SYK: variants seen among roughly 807,000 people sequenced by gnomAD.
SYK encodes the protein spleen associated tyrosine kinase.
SYK carries 16 observed loss-of-function variants against 77.8 expected under a neutral mutation model. The observed-to-expected ratio is 0.21, with a 90% CI of 0.14 to 0.31. The LOEUF is 0.31. Ranked by LOEUF, SYK falls within the 10% of genes least tolerant of loss-of-function variation. The pLI is 1.00. For synonymous variants in SYK, 312 were observed against 308.7 expected (o/e 1.01, Z -0.11); for missense variants, 529 against 814.4 (o/e 0.65, Z 4.26).
chr9:90,882,634 T>A (rs1390041604), intron 11 of SYK, among the ~76,000 whole-genome samples: 2 of 152,262 alleles, frequency 1.3e-5, no homozygotes, highest in Admixed American at 6.5e-5. Context: ...GCTAAAATAA[T>A]TGACCTGGGT....
intron 1 of SYK, among the ~76,000 whole-genome samples, chr9:90,808,300 T>G (rs949575135): frequency 1.3e-5 from 2 of 152,188 alleles, no homozygotes; most frequent in African/African-American, 4.8e-5. Flanking sequence ...TCTTTGGGAT[T>G]TTTTTAAGTG....
At chr9:90,882,550 C>A (rs966962331) in intron 11 of SYK, among the ~76,000 whole-genome samples, 1 of 152,230 alleles carries the variant, frequency 6.6e-6, no homozygotes, top group Non-Finnish European at 1.5e-5. Flanking sequence ...GACCTCTGTA[C>A]TATCACTTGC....
chr9:90,872,041 C>G (rs1450724623), intron 7 of SYK, among the ~76,000 whole-genome samples: 1 of 152,168 alleles, frequency 6.6e-6, no homozygotes, highest in African/African-American at 2.4e-5. Flanking sequence ...TCTCTGTGTC[C>G]ATCGCTACTA....
chr9:90,878,392 G>A (rs1828024426), intron 10 of SYK, among the ~76,000 whole-genome samples: 3 of 152,294 alleles, frequency 2.0e-5, no homozygotes, highest in African/African-American at 7.2e-5. Flanking sequence ...CCATGGAAGG[G>A]AGGTGTTCTT....
rs575054920 is a variant in SYK, at chr9:90,860,532, G to A, written c.579-1674G>A. On this transcript the variant is annotated intron_variant, in intron 3 of 13. Coordinates refer to ENST00000375754, the MANE Select transcript of SYK (RefSeq NM_003177.7). ...AAAGGGAGCTCACACCTTGGGCGCTGGCAACTCGGTTGGTTTGGGAAGAAG... is the reference window on the plus strand; with the variant it reads ...AAAGGGAGCTCACACCTTGGGCGCTAGCAACTCGGTTGGTTTGGGAAGAAG... Among the ~76,000 whole-genome samples the A allele has an allele frequency of 1.2e-4, 19 of 152,220 alleles. No individual in the cohort carries two copies. The East Asian group carries it at 3.1e-3, about 25-fold the overall frequency.
Position 90,884,514 on chromosome 9 carries a change from T to C in SYK, c.1582-3235T>C, listed in dbSNP as rs1158068066. Among the ~76,000 whole-genome samples the C allele has an allele frequency of 1.0e-4, 11 of 108,948 alleles. 3 individuals carry two copies. Among genetic ancestry groups the C allele is most frequent in the Non-Finnish European group, 1.6e-4 (8 of 49,542 alleles). The allele number at this position is 108,948 out of a possible 152,430, so 71.5% of individuals were successfully genotyped here. ...ACACATATGTGTACATGTACATACA[T>C]ACACATACACATATGTGTACATGTA... On this transcript the variant is annotated intron_variant, in intron 11 of 13. Coordinates refer to ENST00000375754, the MANE Select transcript of SYK (RefSeq NM_003177.7).
chr9:90,891,078 C>A (rs533788797), intron 13 of SYK, among the ~76,000 whole-genome samples: 2 of 151,912 alleles, frequency 1.3e-5, no homozygotes, highest in African/African-American at 4.8e-5. Flanking sequence ...AAGAAACTGG[C>A]TGCCCCACCC....
intron 1 of SYK, among the ~76,000 whole-genome samples, chr9:90,834,667 T>C (rs1173065209): frequency 6.6e-6 from 1 of 152,250 alleles, no homozygotes; most frequent in African/African-American, 2.4e-5. Flanking sequence ...CCATGACCCA[T>C]AGGCCACATG....
chr9:90,872,140 A>T (rs1303367378), intron 7 of SYK, among the ~76,000 whole-genome samples: 1 of 152,214 alleles, frequency 6.6e-6, no homozygotes, highest in African/African-American at 2.4e-5. Context: ...TGCAGGATTC[A>T]TATGTCAGGG....
Position 90,843,955 on chromosome 9 carries a change from C to T in SYK, c.57C>T (p.Asn19=), listed in dbSNP as rs771597099. The change falls in exon 2 of 14, where the codon AAC becomes AAT. Residue 19 remains asparagine (N), a synonymous_variant. Coordinates refer to ENST00000375754, the MANE Select transcript of SYK (RefSeq NM_003177.7). Reference sequence around the variant, plus strand: ...ACCACCTGCCCTTCTTTTTCGGCAACATCACCCGGGAGGAGGCAGAAGATT... The same window carrying T: ...ACCACCTGCCCTTCTTTTTCGGCAATATCACCCGGGAGGAGGCAGAAGATT... ...SANHLPFFFG[N]ITREEAEDYL... The T allele has an allele frequency of 3.2e-6, 5 of 1,580,516 alleles. No individual in the cohort carries two copies. The highest frequency in any genetic ancestry group is 2.3e-5 in the South Asian group (2 of 85,574).
rs1048756976 is a variant in SYK, at chr9:90,863,652, C to T, written c.718-937C>T. 5.3e-5 allele frequency among the ~76,000 whole-genome samples: 8 copies of T among 152,032 alleles called. No homozygotes were observed. In the South Asian group the frequency reaches 1.0e-3, roughly 20 times the overall value. On this transcript the variant is annotated intron_variant, in intron 4 of 13. Coordinates refer to ENST00000375754, the MANE Select transcript of SYK (RefSeq NM_003177.7). ...CTTCTTTCTTTTAACGATATTGATT[C>T]GAAAGAGTATTTAACCTTTCTACAC...
chr9:90,840,974 G>A (rs1352092793), intron 1 of SYK, among the ~76,000 whole-genome samples: 2 of 152,170 alleles, frequency 1.3e-5, no homozygotes, highest in Non-Finnish European at 1.5e-5. Context: ...AGAAGAAGCC[G>A]CTTCACATCA....
intron 9 of SYK, 26 bp from the exon 10 acceptor site, chr9:90,877,545 C>T (rs1564114824): frequency 1.2e-6 from 2 of 1,613,086 alleles, no homozygotes; most frequent in East Asian, 2.2e-5. Context: ...TGGAAAGTTT[C>T]TTGTGTGTTA....
At chr9:90,884,542 TACATAC>T (rs1242389024) in intron 11 of SYK, among the ~76,000 whole-genome samples, 1 of 108,076 alleles carries the variant, frequency 9.3e-6, no homozygotes, top group Non-Finnish European at 1.9e-5. Context: ...TACATGTACA[TACATAC>T]ACATACACAT....
intron 1 of SYK, among the ~76,000 whole-genome samples, chr9:90,809,397 C>T (rs922737717): frequency 6.6e-6 from 1 of 152,182 alleles, no homozygotes; most frequent in Non-Finnish European, 1.5e-5. Context: ...GAACCAGAAT[C>T]CCTATCCACT....
At chr9:90,843,703 A>G (rs1826459791) in intron 1 of SYK, among the ~76,000 whole-genome samples, 155 bp from the exon 2 acceptor site, 1 of 152,222 alleles carries the variant, frequency 6.6e-6, no homozygotes, top group Non-Finnish European at 1.5e-5. Flanking sequence ...ATGTGAACAG[A>G]AAGACAACTG....
intron 1 of SYK, among the ~76,000 whole-genome samples, chr9:90,831,212 A>G (rs533491313): frequency 6.6e-6 from 1 of 152,250 alleles, no homozygotes; most frequent in African/African-American, 2.4e-5. Context: ...TTCAATCGCT[A>G]AGGACTGCTG....
At chr9:90,841,777 CATGGTGTGTGTAGTGT>C (rs2118606062) in intron 1 of SYK, among the ~76,000 whole-genome samples, 1 of 140,364 alleles carries the variant, frequency 7.1e-6, no homozygotes, top group African/African-American at 2.7e-5. Flanking sequence ...GTGTGTAGTA[CATGGTGTGTGTAGTGT>C]GTTATGTGTG....
At chr9:90,881,610 G>A (rs1484353476) in intron 11 of SYK, among the ~76,000 whole-genome samples, 12 of 147,562 alleles carry the variant, frequency 8.1e-5, no homozygotes, top group Middle Eastern at 3.5e-3. Context: ...AGCCCGGGAG[G>A]TGGAGGTTGC....
Sources: gnomAD v4.1 joint callset for allele counts (sites outside exome capture counted in the v4.1 genomes callset) on GRCh38, gnomAD v4.1.1 for gene constraint, MANE v1.5 for transcripts, NCBI Gene and HGNC (gene_info 2026-07-23, HGNC 2026-07-21) for gene names.